The following COP1 variants were observed in gnomAD, a reference collection of about 807,000 sequenced individuals.
COP1 encodes the protein E3 ubiquitin-protein ligase COP1.
A neutral mutation model predicts 101.3 loss-of-function variants in COP1; 24 were observed. The observed-to-expected ratio is 0.24, with a 90% CI of 0.17 to 0.33. COP1 has a LOEUF of 0.33. Ranked by LOEUF, COP1 falls within the 10% of genes least tolerant of loss-of-function variation. COP1 has a pLI of 1.00. For missense variants in COP1, 663 were observed against 906.2 expected (o/e 0.73, Z 3.45); for synonymous variants, 347 against 341.9 (o/e 1.01, Z -0.17).
At chr1:176,203,684 ACT>A (rs1262350745) in intron 1 of COP1, among the ~76,000 whole-genome samples, 2 of 152,244 alleles carry the variant, frequency 1.3e-5, no homozygotes, top group African/African-American at 4.8e-5. Context: ...TCAATAAAAC[ACT>A]GTTAAAATTA....
rs139207053 is a variant in COP1 at position 175,978,726 on chromosome 1, T to G, written c.2133+8217A>C. Among the ~76,000 whole-genome samples the G allele has an allele frequency of 2.3e-4, 35 of 151,410 alleles. No homozygotes were observed. In the East Asian group the frequency reaches 6.8e-3, roughly 29 times the overall value. On this transcript the variant is annotated intron_variant, in intron 18 of 19. Coordinates refer to ENST00000367669, the MANE Select transcript of COP1 (RefSeq NM_022457.7). ...AAATTTTCTAAAGTGTTATAAACAATCCAGTCAGAGGAAAGAAGAAAAGAA... is the reference window on the plus strand; with the variant it reads ...AAATTTTCTAAAGTGTTATAAACAAGCCAGTCAGAGGAAAGAAGAAAAGAA...
At chr1:175,956,495 A>G (rs994064527) in intron 18 of COP1, among the ~76,000 whole-genome samples, 1 of 148,594 alleles carries the variant, frequency 6.7e-6, no homozygotes, top group African/African-American at 2.5e-5. Context: ...ACAATAAAGG[A>G]AAAAAAAAAC....
chr1:176,101,715 G>A (rs369311672), intron 9 of COP1, among the ~76,000 whole-genome samples: 1 of 152,166 alleles, frequency 6.6e-6, no homozygotes, highest in East Asian at 1.9e-4. Flanking sequence ...ATTTTGTTTT[G>A]ATACATGTTT....
chr1:176,046,963 T>C (rs1181814820), intron 11 of COP1, among the ~76,000 whole-genome samples: 1 of 151,960 alleles, frequency 6.6e-6, no homozygotes, highest in Admixed American at 6.6e-5. Flanking sequence ...AATAAATAAA[T>C]AAATAATCTC....
chr1:175,992,997 T>C (rs1659034088), intron 15 of COP1, among the ~76,000 whole-genome samples: 1 of 151,942 alleles, frequency 6.6e-6, no homozygotes, highest in Non-Finnish European at 1.5e-5. Flanking sequence ...CACCACCCAG[T>C]AGGGGCAAAC....
At chr1:176,099,448 A>C (rs1558106592) in intron 9 of COP1, among the ~76,000 whole-genome samples, 1 of 151,980 alleles carries the variant, frequency 6.6e-6, no homozygotes, top group Non-Finnish European at 1.5e-5. Flanking sequence ...TGAACTATTT[A>C]CAGTCTTTAA....
At chr1:175,997,842 A>C (rs1288179222) in intron 15 of COP1, among the ~76,000 whole-genome samples, 1 of 152,018 alleles carries the variant, frequency 6.6e-6, no homozygotes, top group Non-Finnish European at 1.5e-5. Context: ...TCAGCGTGGC[A>C]ATTCCTCAGG....
chr1:176,134,975 T>C (rs756822045), intron 8 of COP1, 35 bp downstream of exon 8: 2 of 1,495,410 alleles, frequency 1.3e-6, no homozygotes, highest in Admixed American at 1.7e-5. Flanking sequence ...CTTTGTAATA[T>C]GAATTCTAAT....
In COP1 at chr1:176,060,565, G is replaced by A. The variant is rs1674664253; in HGVS notation, c.1278-14241C>T. On this transcript the variant is annotated intron_variant, in intron 11 of 19. Transcript: ENST00000367669. ...ATTTCAATTCTTAACTTTTGAAACTGCAAAATAAAATACATCTAATTTCTC... is the reference window on the plus strand; with the variant it reads ...ATTTCAATTCTTAACTTTTGAAACTACAAAATAAAATACATCTAATTTCTC... Among the ~76,000 whole-genome samples, 4 of 152,104 alleles carry A rather than the reference G, an allele frequency of 2.6e-5. No homozygotes were observed. In the South Asian group the frequency reaches 8.3e-4, roughly 31 times the overall value.
At chr1:175,989,607 C>T (rs558185084) in intron 15 of COP1, 128 bp from the exon 16 acceptor site, 15 of 566,882 alleles carry the variant, frequency 2.6e-5, no homozygotes, top group South Asian at 2.4e-4. Context: ...AGCCAGAAAA[C>T]AAAGGAAAAG....
intron 4 of COP1, 47 bp downstream of exon 4, chr1:176,163,765 AAAC>A (rs746324265): frequency 1.3e-5 from 16 of 1,216,572 alleles, no homozygotes; most frequent in South Asian, 1.1e-4. Flanking sequence ...AAACCAATAA[AAAC>A]AACAAAATGA....
At chr1:176,092,875 C>T (rs1399165797) in intron 9 of COP1, among the ~76,000 whole-genome samples, 2 of 152,224 alleles carry the variant, frequency 1.3e-5, no homozygotes, top group African/African-American at 4.8e-5. Flanking sequence ...ACTCTTGCAC[C>T]TGTGGATCTG....
intron 9 of COP1, among the ~76,000 whole-genome samples, chr1:176,086,869 C>G (rs1196643444): frequency 2.6e-5 from 4 of 152,130 alleles, no homozygotes; most frequent in African/African-American, 9.7e-5. Context: ...TACTACAAGG[C>G]TACAGTAACC....
At chr1:176,045,605 T>C (rs1281460759) in intron 12 of COP1, among the ~76,000 whole-genome samples, 1 of 146,262 alleles carries the variant, frequency 6.8e-6, no homozygotes, top group East Asian at 2.0e-4. Flanking sequence ...AAAAAGCAGA[T>C]TCTAGAATTC....
intron 5 of COP1, among the ~76,000 whole-genome samples, chr1:176,153,478 A>C (rs992394170): frequency 6.6e-6 from 1 of 152,180 alleles, no homozygotes; most frequent in Non-Finnish European, 1.5e-5. Flanking sequence ...TCAGCTTAAG[A>C]AGCTTGTCGG....
At position 176,206,933 on chromosome 1, in the gene COP1, G is replaced by A. The variant is rs930088523; in HGVS notation, c.46C>T (p.Pro16Ser). 1 of 1,459,874 alleles carries A rather than the reference G, an allele frequency of 6.8e-7. No homozygotes were observed. Among genetic ancestry groups the A allele is most frequent in the East Asian group, 3.0e-5 (1 of 33,140 alleles). 90.4% of individuals were successfully genotyped at this position (1,459,874 alleles called of 1,614,324 possible). ...ACCGAGGAGGCCGCCGAGGACCCGG[G>A]GCTTGTCCCAGCGGAGCCCGACCCG... ...QAGSGSAGTS[P>S]GSSAASSVTS... The change falls in exon 1 of 20, where the codon CCC becomes TCC. Residue 16 changes from proline to serine, a missense_variant. By Grantham distance (74) the Pro-to-Ser change is moderately conservative. Coordinates refer to ENST00000367669, the MANE Select transcript of COP1 (RefSeq NM_022457.7).
Position 176,043,566 on chromosome 1 carries a change from T to C in COP1, c.1530+144A>G, listed in dbSNP as rs150782230. On this transcript the variant is annotated intron_variant, in intron 13 of 19. Transcript: ENST00000367669. ...AAGTGGGAGACAGGAAAAAAAAGCA[T>C]TTGGTATTGCATAGGTGTTACACAG... The C allele has an allele frequency of 2.2e-3, 1,390 of 623,846 alleles. 19 individuals carry two copies. The Middle Eastern group carries it at 0.026, about 11-fold the overall frequency. 38.6% of individuals were successfully genotyped at this position (623,846 alleles called of 1,614,324 possible). A position where few individuals can be genotyped will look rare whatever the true frequency, so the allele number is the denominator to read the frequency against.
intron 9 of COP1, among the ~76,000 whole-genome samples, chr1:176,098,361 A>C (rs865989803): frequency 3.9e-5 from 6 of 152,246 alleles, no homozygotes; most frequent in East Asian, 3.8e-4. Flanking sequence ...GTTTTTAATA[A>C]AAGATTATAA....
intron 18 of COP1, among the ~76,000 whole-genome samples, chr1:175,947,620 T>C (rs1649354149): frequency 6.6e-6 from 1 of 152,162 alleles, no homozygotes; most frequent in African/African-American, 2.4e-5. Context: ...TCTGCCCACC[T>C]CGGCCTCCCA....
Sources: gnomAD v4.1 joint callset for allele counts (sites outside exome capture counted in the v4.1 genomes callset) on GRCh38, gnomAD v4.1.1 for gene constraint, MANE v1.5 for transcripts, NCBI Gene and HGNC (gene_info 2026-07-23, HGNC 2026-07-21) for gene names.